SCN1A: variants seen among roughly 807,000 people sequenced by gnomAD.
SCN1A encodes the protein sodium voltage-gated channel alpha subunit 1.
SCN1A carries 13 observed loss-of-function variants against 193.7 expected under a neutral mutation model. The observed-to-expected ratio is 0.07, with a 90% CI of 0.04 to 0.11. The LOEUF (loss-of-function observed/expected upper bound fraction) is 0.11, where lower values mean the gene tolerates loss of function less well. Among genes scored for constraint, SCN1A ranks in the 10% least tolerant of loss-of-function variants. SCN1A has a pLI of 1.00. For synonymous variants in SCN1A, 781 were observed against 843.6 expected, an observed-to-expected ratio of 0.93 and a Z score of 1.29; for missense variants, 1,432 against 2,451.1, an observed-to-expected ratio of 0.58 and a Z score of 8.78.
At position 165,988,128 on chromosome 2, in the gene SCN1A, C is replaced by T. The variant is rs1485849992; in HGVS notation, c.*3117G>A. On this transcript the variant is annotated 3_prime_UTR_variant, in exon 29 of 29. Transcript: ENST00000674923. ...AGAAATTTAGATAGATTAATTTAGACTGTTAATTTTACTATCTGGACCACC... is the reference window on the plus strand; with the variant it reads ...AGAAATTTAGATAGATTAATTTAGATTGTTAATTTTACTATCTGGACCACC... 6.6e-6 allele frequency: 1 copy of T among 152,106 alleles called. No homozygotes were observed. Among genetic ancestry groups the T allele is most frequent in the African/African-American group, 2.4e-5 (1 of 41,416 alleles). The allele number at this position is 152,106 out of a possible 1,614,324, so 9.4% of individuals were successfully genotyped here.
intron 10 of SCN1A, 90 bp from the exon 11 acceptor site, chr2:166,047,858 T>G (rs1421852243): frequency 3.9e-5 from 60 of 1,558,042 alleles, no homozygotes; most frequent in Non-Finnish European, 8.8e-7. Context: ...TCAGAAAGAT[T>G]TGGTATTTCA....
At chr2:166,102,963 G>C (rs768921204) in intron 2 of SCN1A, among the ~76,000 whole-genome samples, 4 of 151,962 alleles carry the variant, frequency 2.6e-5, no homozygotes, top group East Asian at 1.9e-4. Flanking sequence ...GCTATTTTGT[G>C]GATAATGCAC....
At chr2:166,116,106 AG>A (rs1359439479) in intron 2 of SCN1A, among the ~76,000 whole-genome samples, 1 of 152,234 alleles carries the variant, frequency 6.6e-6, no homozygotes, top group African/African-American at 2.4e-5. Context: ...AGCTCATGAA[AG>A]CCAGCCATGC....
In SCN1A at chr2:166,052,816, TGATGGGTCCGTCTCATTATCTAACCTTGC is replaced by T. The variant is rs1698727198; in HGVS notation, c.694+7_694+35del. 1 of 1,499,516 alleles carries T rather than the reference TGATGGGTCCGTCTCATTATCTAACCTTGC, an allele frequency of 6.7e-7. No individual in the cohort carries two copies. Among genetic ancestry groups the T allele is most frequent in the South Asian group, 1.1e-5 (1 of 88,288 alleles). The allele number at this position is 1,499,516 out of a possible 1,614,324, so 92.9% of individuals were successfully genotyped here. ...AAGCAGAGAAGGATGCTGAATCACA[TGATGGGTCCGTCTCATTATCTAACCTTGC>T]TCTCACCTGGAATGACTGAAATCGT... On this transcript the variant is annotated splice_region_variant and intron_variant, in intron 8 of 28. Coordinates refer to ENST00000674923, the MANE Select transcript of SCN1A (RefSeq NM_001165963.4).
In SCN1A at chr2:166,147,733, A is replaced by G. The variant is rs933185535; in HGVS notation, c.-50+1314T>C. On this transcript the variant is annotated intron_variant, in intron 1 of 26. Transcript: ENST00000635750. ...TAATTGTCTCTTTAAATTATTTGGG[A>G]AATCATGTACATGTTTAATCAACTA... Among the ~76,000 whole-genome samples, 7 of 152,160 alleles carry G rather than the reference A, an allele frequency of 4.6e-5. No homozygotes were observed. The East Asian group carries it at 1.3e-3, about 29-fold the overall frequency.
chr2:165,998,858 A>G (rs2105480921), intron 25 of SCN1A, among the ~76,000 whole-genome samples: 1 of 151,614 alleles, frequency 6.6e-6, no homozygotes, highest in South Asian at 2.1e-4. Flanking sequence ...GTGAAATAAA[A>G]CAACTCTGGA....
At position 166,110,179 on chromosome 2, in the gene SCN1A, A is replaced by AT. The variant is rs869286382; in HGVS notation, c.-142+16744dup. ...CTATGTAGCCATACAAATAAAAAAA[A>AT]TTTTTTTTTAATCCCTACAATGGCC... is the stretch of plus-strand genomic sequence containing the variant. On this transcript the variant is annotated intron_variant, in intron 2 of 28. Coordinates refer to ENST00000674923, the MANE Select transcript of SCN1A (RefSeq NM_001165963.4). 4.8e-5 allele frequency among the ~76,000 whole-genome samples: 7 copies of AT among 147,318 alleles called. 1 individual carries two copies. Among genetic ancestry groups the AT allele is most frequent in the Middle Eastern group, 6.8e-3 (2 of 292 alleles).
At chr2:166,125,384 A>T (rs1239989184) in intron 2 of SCN1A, among the ~76,000 whole-genome samples, 1 of 152,224 alleles carries the variant, frequency 6.6e-6, no homozygotes, top group Non-Finnish European at 1.5e-5. Context: ...GGGAGAAAGC[A>T]ATACCTTTCA....
intron 19 of SCN1A, among the ~76,000 whole-genome samples, chr2:166,022,021 T>A (rs988967096): frequency 3.3e-5 from 5 of 152,176 alleles, no homozygotes; most frequent in African/African-American, 1.2e-4. Context: ...AACTTATAAG[T>A]TTGGGAACAA....
rs575831010 is a variant in SCN1A, at chr2:166,040,165, G to A, written c.2416-569C>T. Among the ~76,000 whole-genome samples, 116 of 152,108 alleles carry A rather than the reference G, an allele frequency of 7.6e-4. 2 individuals carry two copies. Among genetic ancestry groups the A allele is most frequent in the Admixed American group, 5.0e-3 (76 of 15,272 alleles). On this transcript the variant is annotated intron_variant, in intron 16 of 28. Coordinates refer to ENST00000674923, the MANE Select transcript of SCN1A (RefSeq NM_001165963.4). Reference sequence around the variant, plus strand: ...GATCTCCTGACCTCGTGATCCGTCCGCCTCGGCCTCCCAAAGTGCTGGGAT... The same window carrying A: ...GATCTCCTGACCTCGTGATCCGTCCACCTCGGCCTCCCAAAGTGCTGGGAT...
intron 2 of SCN1A, among the ~76,000 whole-genome samples, chr2:166,115,318 C>T (rs1427727357): frequency 6.6e-6 from 1 of 152,168 alleles, no homozygotes; most frequent in African/African-American, 2.4e-5. Context: ...GAGATTGCTT[C>T]ATTGCACTCC....
Position 165,992,507 on chromosome 2 carries a change from G to A in SCN1A, c.4853-85C>T. ...TGTTTCTTCTAAAGCTCCAAGGTAA[G>A]GTTCAGAGTCCTGAACCCAGTTATA... is the stretch of plus-strand genomic sequence containing the variant. On this transcript the variant is annotated intron_variant, in intron 28 of 28. Coordinates refer to ENST00000674923, the MANE Select transcript of SCN1A (RefSeq NM_001165963.4). This position sits in a 1 kb window ranked among gnomAD's most constrained non-coding sequence, Gnocchi z 6.5. The A allele has an allele frequency of 6.7e-7, 1 of 1,483,526 alleles. No individual in the cohort carries two copies. The highest frequency in any genetic ancestry group is 9.4e-7 in the Non-Finnish European group (1 of 1,067,102). 91.9% of individuals were successfully genotyped at this position (1,483,526 alleles called of 1,614,324 possible). A position where few individuals can be genotyped will look rare whatever the true frequency, so the allele number is the denominator to read the frequency against.
rs577627288 is a variant in SCN1A, at chr2:166,054,630, G to GCA, written c.602+6_602+7dup. The GCA allele has an allele frequency of 5.5e-4, 889 of 1,611,682 alleles. 10 individuals are homozygous for GCA. In the South Asian group the frequency reaches 9.3e-3, roughly 17 times the overall value. On this transcript the variant is annotated splice_region_variant and intron_variant, in intron 7 of 28. Transcript: ENST00000674923. ...GTTCTCTCTTAAAGTTTCAAAAAAG[G>GCA]CACTTACGCAAATGTAATGACAGTG...
intron 14 of SCN1A, among the ~76,000 whole-genome samples, 164 bp downstream of exon 14, chr2:166,043,505 G>T: frequency 6.6e-6 from 1 of 152,156 alleles, no homozygotes; most frequent in Admixed American, 6.6e-5. Flanking sequence ...GACTGCTAAG[G>T]TTTTAAGTTT....
intron 2 of SCN1A, among the ~76,000 whole-genome samples, chr2:166,108,332 A>G (rs538142029): frequency 6.6e-6 from 1 of 152,224 alleles, no homozygotes; most frequent in African/African-American, 2.4e-5. Context: ...GGATATAGAG[A>G]AACTGGAACC....
intron 2 of SCN1A, among the ~76,000 whole-genome samples, chr2:166,120,434 A>C (rs1690419022): frequency 6.6e-6 from 1 of 150,900 alleles, no homozygotes; most frequent in African/African-American, 2.4e-5. Flanking sequence ...TTTTTAATAT[A>C]CTATTATAAC....
At chr2:166,086,907 C>T (rs988233873) in intron 2 of SCN1A, among the ~76,000 whole-genome samples, 1 of 152,112 alleles carries the variant, frequency 6.6e-6, no homozygotes, top group Non-Finnish European at 1.5e-5. Flanking sequence ...TGGACACTAC[C>T]AGATGTCCAG....
intron 1 of SCN1A, among the ~76,000 whole-genome samples, chr2:166,144,319 G>T (rs1274049502): frequency 3.9e-5 from 6 of 152,216 alleles, no homozygotes; most frequent in Non-Finnish European, 7.3e-5. Flanking sequence ...AAACAGAGAA[G>T]TTGGCTGGGT....
chr2:166,018,919 A>C (rs967734828), intron 19 of SCN1A, among the ~76,000 whole-genome samples: 10 of 152,144 alleles, frequency 6.6e-5, no homozygotes, highest in African/African-American at 2.4e-4. Context: ...GATTGTATGA[A>C]CTGTATGATT....
Sources: allele counts gnomAD v4.1 joint callset (sites outside exome capture counted in the v4.1 genomes callset), GRCh38; gene constraint gnomAD v4.1.1; non-coding constraint Gnocchi (gnomAD v3.1); transcripts MANE v1.5; gene names NCBI Gene and HGNC (gene_info 2026-07-23, HGNC 2026-07-21).